USP9X: variants seen among roughly 807,000 people sequenced by gnomAD.
USP9X encodes ubiquitin specific peptidase 9 X-linked.
Under a neutral mutation model 190.3 loss-of-function variants are expected in USP9X, and 7 were observed. The observed-to-expected ratio is 0.04, with a 90% CI of 0.02 to 0.07. The LOEUF is 0.07. Ranked by LOEUF, USP9X falls within the 10% of genes least tolerant of loss-of-function variation. The pLI, the probability that USP9X is intolerant of heterozygous loss-of-function variation, is 1.00. For synonymous variants in USP9X, 645 were observed against 659.5 expected, an observed-to-expected ratio of 0.98 and a Z score of 0.34; for missense variants, 1,010 against 1,916.9, an observed-to-expected ratio of 0.53 and a Z score of 8.83.
intron 4 of USP9X, among the ~76,000 whole-genome samples, chrX:41,133,699 T>C (rs1383203485): frequency 8.9e-6 from 1 of 112,326 alleles, no homozygotes; most frequent in Non-Finnish European, 1.9e-5. Context: ...ATGTTTGTCT[T>C]TCTGTGCTTG....
chrX:41,170,373 A>T, intron 19 of USP9X, 97 bp from the exon 20 acceptor site: 1 of 1,080,500 alleles, frequency 9.3e-7, no homozygotes, highest in Non-Finnish European at 1.2e-6. Flanking sequence ...TATAGCATGT[A>T]GTCTTTCGGA....
At chrX:41,098,153 T>C (rs1687379183) in intron 1 of USP9X, among the ~76,000 whole-genome samples, 1 of 108,117 alleles carries the variant, frequency 9.2e-6, no homozygotes, top group Non-Finnish European at 1.9e-5. Flanking sequence ...TTTTTTTTTT[T>C]TTCTTGAGAT....
intron 13 of USP9X, among the ~76,000 whole-genome samples, chrX:41,151,747 G>A (rs754902055): frequency 2.7e-5 from 3 of 112,573 alleles, no homozygotes; most frequent in Admixed American, 1.9e-4. Context: ...TTGGGAGGCC[G>A]AGGAGGGCGG....
intron 14 of USP9X, among the ~76,000 whole-genome samples, chrX:41,159,144 C>A (rs1259500100): frequency 1.8e-5 from 2 of 111,680 alleles, no homozygotes; most frequent in Non-Finnish European, 3.8e-5. Flanking sequence ...TGCAAAGGAT[C>A]TGAATAGAAA....
Position 41,201,054 on chromosome X carries a change from T to C in USP9X, c.4604-6T>C. The C allele has an allele frequency of 1.7e-6, 2 of 1,208,319 alleles. No homozygotes were observed. Among genetic ancestry groups the C allele is most frequent in the Non-Finnish European group, 2.2e-6 (2 of 893,143 alleles). On this transcript the variant is annotated splice_polypyrimidine_tract_variant and splice_region_variant and intron_variant, in intron 30 of 44. Transcript: ENST00000378308. The stretch of plus-strand genomic sequence containing the variant: ...TTCATGCTACAAGAATCTTTCCTTC[T>C]CTCAGCTTGTGAAGCACTTACTGAG...
rs2146892653 is a variant in USP9X, at chrX:41,085,867, C to T, written c.-401C>T. On this transcript the variant is annotated 5_prime_UTR_variant, in exon 1 of 45. Transcript: ENST00000378308. ...AGAAGGGGAAGAGGGCCGTCGCCGG[C>T]CAAGGAGGAGGAGGAGGCGGGCGCG... 2 of 297,517 alleles carry T rather than the reference C, an allele frequency of 6.7e-6. No individual in the cohort carries two copies. Among genetic ancestry groups the T allele is most frequent in the African/African-American group, 2.7e-5 (1 of 36,687 alleles). The allele number at this position is 297,517 out of a possible 1,213,427, so 24.5% of individuals were successfully genotyped here.
intron 26 of USP9X, among the ~76,000 whole-genome samples, chrX:41,192,549 C>T (rs2062946727): frequency 8.9e-6 from 1 of 111,894 alleles, no homozygotes; most frequent in South Asian, 3.7e-4. Context: ...GCTTTCAGAG[C>T]AGAGCTGAGT....
intron 1 of USP9X, 79 bp downstream of exon 1, chrX:41,086,188 G>C: frequency 3.4e-6 from 1 of 293,634 alleles, no homozygotes; most frequent in East Asian, 4.8e-5. Flanking sequence ...GAGGGCGAGG[G>C]GGGTGTGCGT....
chrX:41,094,237 C>T (rs976097603), intron 1 of USP9X, among the ~76,000 whole-genome samples: 4 of 106,951 alleles, frequency 3.7e-5, no homozygotes, highest in African/African-American at 1.4e-4. Context: ...AGTACAATGG[C>T]GTGATCTCGG....
At chrX:41,222,775 G>A (rs745792613) in intron 38 of USP9X, among the ~76,000 whole-genome samples, 1 of 111,104 alleles carries the variant, frequency 9.0e-6, no homozygotes, top group East Asian at 2.8e-4. Flanking sequence ...AATTAGCTGG[G>A]CATGGTACGT....
At chrX:41,123,000 C>T (rs886646268) in intron 1 of USP9X, among the ~76,000 whole-genome samples, 8 of 110,836 alleles carry the variant, frequency 7.2e-5, no homozygotes, top group South Asian at 7.6e-4. Context: ...TATATGGGCA[C>T]GGGATAGGGG....
chrX:41,112,598 T>C (rs183041525), intron 1 of USP9X, among the ~76,000 whole-genome samples: 190 of 111,029 alleles, frequency 1.7e-3, no homozygotes, highest in Non-Finnish European at 2.7e-3. Context: ...AACTAAGAAC[T>C]GGAAAGGAGC....
intron 21 of USP9X, among the ~76,000 whole-genome samples, chrX:41,173,185 C>T (rs2062742397): frequency 9.0e-6 from 1 of 111,526 alleles, no homozygotes; most frequent in Non-Finnish European, 1.9e-5. Flanking sequence ...TTTTCCAGCT[C>T]TTCTGTTGGC....
chrX:41,216,438 C>T lies in USP9X; in HGVS notation c.5871C>T (p.Asp1957=). The T allele has an allele frequency of 8.3e-7, 1 of 1,211,053 alleles. No individual in the cohort carries two copies. The highest frequency in any genetic ancestry group is 1.8e-5 in the South Asian group (1 of 56,955). The change falls in exon 35 of 45, where the codon GAC becomes GAT. Residue 1957 remains aspartate (D), a synonymous_variant. Transcript: ENST00000378308. ...NAYILFYERM[D]TIDQDDELIR... is the part of the protein sequence containing the mutation. Reference sequence around the variant, plus strand: ...ATATACTTTTTTATGAACGAATGGACACAATAGACCAAGATGATGAGTTGA... The same window carrying T: ...ATATACTTTTTTATGAACGAATGGATACAATAGACCAAGATGATGAGTTGA...
chrX:41,199,323 C>T (rs868758007), intron 30 of USP9X, among the ~76,000 whole-genome samples: 5 of 112,985 alleles, frequency 4.4e-5, no homozygotes, highest in Non-Finnish European at 7.5e-5. Flanking sequence ...TAAATTTCAT[C>T]TCATGAAACC....
At chrX:41,161,528 G>A (rs2062631311) in intron 14 of USP9X, among the ~76,000 whole-genome samples, 1 of 104,705 alleles carries the variant, frequency 9.6e-6, no homozygotes, top group South Asian at 4.3e-4. Flanking sequence ...TAGAGACGGG[G>A]TTTCACCATG....
At chrX:41,220,427 G>A in intron 38 of USP9X, among the ~76,000 whole-genome samples, 1 of 112,234 alleles carries the variant, frequency 8.9e-6, no homozygotes, top group East Asian at 2.8e-4. Flanking sequence ...AAGTCCTTAA[G>A]ATCAGATATG....
chrX:41,132,554 T>G (rs975829882), intron 4 of USP9X, among the ~76,000 whole-genome samples: 15 of 110,903 alleles, frequency 1.4e-4, no homozygotes, highest in African/African-American at 4.6e-4. Context: ...TCCACCCGCC[T>G]TGGCCTCCCA....
At chrX:41,154,869 G>A (rs760236397) in intron 14 of USP9X, among the ~76,000 whole-genome samples, 49 of 110,888 alleles carry the variant, frequency 4.4e-4, no homozygotes, top group Non-Finnish European at 7.6e-4. Flanking sequence ...GATTAATACT[G>A]ATGAGTCTGG....
Sources: gnomAD v4.1 joint callset for allele counts (sites outside exome capture counted in the v4.1 genomes callset) on GRCh38, gnomAD v4.1.1 for gene constraint, MANE v1.5 for transcripts, NCBI Gene and HGNC (gene_info 2026-07-23, HGNC 2026-07-21) for gene names.